The following USP39 variants were observed in gnomAD, a reference collection of about 807,000 sequenced individuals.
USP39 encodes ubiquitin specific peptidase 39, also known as ubiquitin carboxyl-terminal hydrolase 39.
In USP39, 38 loss-of-function variants were observed where a neutral mutation model predicts 66.4. That is an observed-to-expected ratio of 0.57 (90% CI 0.44 to 0.75). USP39 has a LOEUF of 0.75. Ranked by LOEUF, USP39 falls within the 30% of genes least tolerant of loss-of-function variation. The pLI, the probability that USP39 is intolerant of heterozygous loss-of-function variation, is 0.00. For synonymous variants in USP39, 303 were observed against 274.6 expected (o/e 1.10, Z -1.02); for missense variants, 608 against 714.4 (o/e 0.85, Z 1.70).
At position 85,637,378 on chromosome 2, in the gene USP39, C is replaced by A; in HGVS notation, c.1037C>A (p.Thr346Asn). 1 of 1,614,170 alleles carries A rather than the reference C, an allele frequency of 6.2e-7. No homozygotes were observed. Residue 346 changes from threonine (T) to asparagine (N), a missense_variant, in exon 8 of 13, where the codon ACT becomes AAT. This residue lies in a region of USP39 where 72 missense variants were observed against 60.1 expected (regional missense o/e 1.20). Coordinates refer to ENST00000323701, the MANE Select transcript of USP39 (RefSeq NM_006590.4). ...CTTCCTGTTTGTGCAGCTATTGTGACTGATGTTTTCCAGGGGTCCATGAGG... is the reference window on the plus strand; with the variant it reads ...CTTCCTGTTTGTGCAGCTATTGTGAATGATGTTTTCCAGGGGTCCATGAGG... ...GTKKKKKTIVTDVFQGSMRIF... is the reference protein window; with the variant it reads ...GTKKKKKTIVNDVFQGSMRIF...
At chr2:85,633,868 C>T (rs1426266170) in intron 6 of USP39, among the ~76,000 whole-genome samples, 73 of 112,168 alleles carry the variant, frequency 6.5e-4, no homozygotes, top group African/African-American at 2.4e-3. Context: ...GACAGAGTCT[C>T]GCTCTGTTGC....
upstream of USP39, among the ~76,000 whole-genome samples, chr2:85,614,667 G>A (rs1673792965): frequency 6.6e-6 from 1 of 152,260 alleles, no homozygotes; most frequent in African/African-American, 2.4e-5. Flanking sequence ...CTGCTACAAG[G>A]GTTTGTGATA....
chr2:85,642,699 A>C (rs1403699067), intron 10 of USP39, among the ~76,000 whole-genome samples: 1 of 152,250 alleles, frequency 6.6e-6, no homozygotes, highest in Non-Finnish European at 1.5e-5. Flanking sequence ...TACTTCGAGT[A>C]ATACAATTCT....
At chr2:85,611,479 G>C, upstream of USP39, 1 of 1,549,506 alleles carries the variant, frequency 6.5e-7, no homozygotes, top group South Asian at 1.2e-5. Flanking sequence ...TTAACTGGGG[G>C]CTTATGAGTC....
chr2:85,631,455 C>T (rs763618120), intron 6 of USP39, among the ~76,000 whole-genome samples: 47 of 151,052 alleles, frequency 3.1e-4, no homozygotes, highest in Non-Finnish European at 5.3e-4. Flanking sequence ...GCTATGATTA[C>T]AGGCATGAGC....
At chr2:85,642,235 T>C (rs566539180) in intron 10 of USP39, among the ~76,000 whole-genome samples, 65 of 152,326 alleles carry the variant, frequency 4.3e-4, no homozygotes, top group African/African-American at 1.5e-3. Context: ...CTTTTTCTCT[T>C]TTTCTACACT....
intron 2 of USP39, among the ~76,000 whole-genome samples, chr2:85,619,777 C>T (rs898508897): frequency 1.3e-5 from 2 of 151,988 alleles, no homozygotes; most frequent in Admixed American, 1.3e-4. Flanking sequence ...CACGCCTTTA[C>T]TCAGCCCTTT....
At chr2:85,606,024 AC>A (rs1673200559) in intron 1 of USP39, among the ~76,000 whole-genome samples, 1 of 152,160 alleles carries the variant, frequency 6.6e-6, no homozygotes, top group Non-Finnish European at 1.5e-5. Context: ...ACAGCCCCAA[AC>A]CCTTGGAAAC....
At chr2:85,648,643 T>C in intron 12 of USP39, 118 bp from the exon 13 acceptor site, 6 of 1,187,362 alleles carry the variant, frequency 5.1e-6, no homozygotes, top group Non-Finnish European at 7.5e-6. Context: ...AAATGGGGTA[T>C]AGCAGATTTG....
chr2:85,622,319 C>T (rs1464121561), intron 3 of USP39, among the ~76,000 whole-genome samples: 1 of 151,690 alleles, frequency 6.6e-6, no homozygotes, highest in African/African-American at 2.4e-5. Context: ...GAGGGGGTTT[C>T]ACCATATTGG....
upstream of USP39, among the ~76,000 whole-genome samples, chr2:85,613,743 A>G (rs778215331): frequency 2.6e-5 from 4 of 151,980 alleles, no homozygotes; most frequent in African/African-American, 4.8e-5. Flanking sequence ...GAGGAAGAGG[A>G]TATCTTTGGG....
At chr2:85,636,994 A>G (rs760779225) in intron 7 of USP39, among the ~76,000 whole-genome samples, 1 of 152,062 alleles carries the variant, frequency 6.6e-6, no homozygotes, top group Non-Finnish European at 1.5e-5. Flanking sequence ...TACAGTTTGG[A>G]CATTGTCTCC....
At chr2:85,645,159 C>A in intron 11 of USP39, 76 bp downstream of exon 11, 1 of 1,594,250 alleles carries the variant, frequency 6.3e-7, no homozygotes, top group Non-Finnish European at 8.6e-7. Context: ...AGGGCAGCTC[C>A]CTTCAGTGTG....
At chr2:85,612,036 C>G, upstream of USP39, 1 of 1,307,198 alleles carries the variant, frequency 7.6e-7, no homozygotes, top group Admixed American at 2.9e-5. Flanking sequence ...CAACAACAGC[C>G]ACCCGCCCAC....
intron 5 of USP39, among the ~76,000 whole-genome samples, chr2:85,629,844 T>G (rs1675189412): frequency 6.6e-6 from 1 of 151,854 alleles, no homozygotes; most frequent in South Asian, 2.1e-4. Context: ...AAAAAAAATT[T>G]TGGCTGGGCA....
chr2:85,616,558 TTGGGGGAGGGG>T, intron 1 of USP39, 95 bp downstream of exon 1: 2 of 1,130,976 alleles, frequency 1.8e-6, no homozygotes, highest in Non-Finnish European at 2.3e-6. Context: ...TGCGCCGGAG[TTGGGGGAGGGG>T]TGGGGTTGGG....
intron 9 of USP39, 89 bp downstream of exon 9, chr2:85,639,480 G>A: frequency 7.3e-7 from 1 of 1,367,946 alleles, no homozygotes; most frequent in East Asian, 2.5e-5. Context: ...TCAAGACAGA[G>A]TTTTGCTCTT....
chr2:85,625,442 A>G (rs1386237857), intron 4 of USP39, 97 bp from the exon 5 acceptor site: 19 of 1,525,524 alleles, frequency 1.2e-5, no homozygotes, highest in Non-Finnish European at 1.6e-5. Flanking sequence ...TGGGATGTTC[A>G]TGGCCAAGTG....
chr2:85,624,668 AAT>A (rs1477494800), intron 4 of USP39, among the ~76,000 whole-genome samples: 1 of 152,174 alleles, frequency 6.6e-6, no homozygotes, highest in African/African-American at 2.4e-5. Flanking sequence ...TTGAGATTAA[AAT>A]AGTTATGGAC....
Sources: gnomAD v4.1 joint callset for allele counts (sites outside exome capture counted in the v4.1 genomes callset) on GRCh38, gnomAD v4.1.1 for gene constraint, gnomAD v4.1.1 regional missense constraint, MANE v1.5 for transcripts, NCBI Gene and HGNC (gene_info 2026-07-23, HGNC 2026-07-21) for gene names.